The following NPIPB2 variants were observed in gnomAD, a reference collection of about 807,000 sequenced individuals.
NPIPB2 encodes the protein nuclear pore complex interacting protein family member B2, also known as nuclear pore complex-interacting protein family member B2.
A neutral mutation model predicts 30.8 loss-of-function variants in NPIPB2; 27 were observed. That is an observed-to-expected ratio of 0.88 (90% CI 0.65 to 1.21). The LOEUF (loss-of-function observed/expected upper bound fraction) is 1.21. Among genes scored for constraint, NPIPB2 ranks in the 50% most tolerant of loss-of-function variants. NPIPB2 has a pLI of 0.00. For synonymous variants in NPIPB2, 147 were observed against 162.0 expected (o/e 0.91, Z 0.70); for missense variants, 440 against 446.2 (o/e 0.99, Z 0.13).
At chr16:11,954,735 A>G (rs1236390213) in intron 1 of NPIPB2, among the ~76,000 whole-genome samples, 5 of 151,676 alleles carry the variant, frequency 3.3e-5, no homozygotes, top group East Asian at 1.9e-4. Context: ...GTGAAACCCT[A>G]TCTCTACTAA....
chr16:11,968,751 G>C (rs2055215994), intron 1 of NPIPB2: 1 of 152,054 alleles, frequency 6.6e-6, no homozygotes, highest in African/African-American at 2.4e-5. Flanking sequence ...CATCCTAGCT[G>C]ATGCTCATCA....
At chr16:11,933,922 C>T (rs1187591676) in exon 3 of NPIPB2, 1 of 1,537,792 alleles carries the variant, frequency 6.5e-7, no homozygotes, top group Non-Finnish European at 8.9e-7. Flanking sequence ...TCAGGAAAGA[C>T]AACTAGGAAA....
At chr16:11,941,753 G>A (rs1052484897) in intron 1 of NPIPB2, 13 of 893,672 alleles carry the variant, frequency 1.5e-5, no homozygotes, top group African/African-American at 6.9e-5. Context: ...GCCAAGTAGC[G>A]CCCGCATCAT....
At chr16:11,965,037 CT>C (rs1160547710) in intron 1 of NPIPB2, 6 of 418,220 alleles carry the variant, frequency 1.4e-5, no homozygotes, top group African/African-American at 1.2e-4. Context: ...GAAATTTCTT[CT>C]ATAAATAAGC....
intron 1 of NPIPB2, among the ~76,000 whole-genome samples, chr16:11,959,075 C>A (rs1436883413): frequency 6.6e-6 from 1 of 152,130 alleles, no homozygotes; most frequent in African/African-American, 2.4e-5. Context: ...GGGGCTCGGG[C>A]CGTGGCAGAA....
In NPIPB2 at chr16:11,962,618, AAAAAAAAAAAACC is replaced by A. The variant is rs1346816467; in HGVS notation, c.-584+13937_-584+13949del. ...CAGAGCAAGATTCTGTCTCAAAAAA[AAAAAAAAAAAACC>A]AAAAAAAAAGAGGAAGACTGACAGT... is the stretch of plus-strand genomic sequence containing the variant. On this transcript the variant is annotated intron_variant, in intron 1 of 5. Transcript: ENST00000538896. Among the ~76,000 whole-genome samples the A allele has an allele frequency of 1.3e-4, 19 of 151,050 alleles. 1 individual carries two copies. In the South Asian group the frequency reaches 4.0e-3, roughly 32 times the overall value.
chr16:11,942,616 A>C (rs1188138899), upstream of NPIPB2, among the ~76,000 whole-genome samples: 2 of 152,210 alleles, frequency 1.3e-5, no homozygotes, highest in Non-Finnish European at 1.5e-5. Context: ...ATGGCCTCTC[A>C]GGGACGTCCA....
At chr16:11,966,187 T>C (rs368745676) in intron 1 of NPIPB2, 65 of 1,605,886 alleles carry the variant, frequency 4.0e-5, no homozygotes, top group Non-Finnish European at 5.2e-5. Context: ...GATGTTCTTT[T>C]CATAAAGGTG....
chr16:11,962,003 C>T (rs1398291750), intron 1 of NPIPB2, among the ~76,000 whole-genome samples: 2 of 151,602 alleles, frequency 1.3e-5, no homozygotes, highest in Non-Finnish European at 2.9e-5. Flanking sequence ...AGTTCAAGAC[C>T]AGCCTGGGCA....
At chr16:11,938,226 C>T (rs968385311) in intron 1 of NPIPB2, among the ~76,000 whole-genome samples, 1 of 152,204 alleles carries the variant, frequency 6.6e-6, no homozygotes, top group African/African-American at 2.4e-5. Context: ...ACCATGTTGG[C>T]CAGTCTGGCC....
chr16:11,964,559 T>G (rs958257000), intron 1 of NPIPB2, among the ~76,000 whole-genome samples: 1 of 152,022 alleles, frequency 6.6e-6, no homozygotes, highest in African/African-American at 2.4e-5. Flanking sequence ...GGATCATAGG[T>G]GCCTGCCACC....
At chr16:11,967,717 A>T (rs760932832) in intron 1 of NPIPB2, 3 of 1,614,184 alleles carry the variant, frequency 1.9e-6, no homozygotes, top group Non-Finnish European at 2.5e-6. Context: ...GACTCTGACC[A>T]TTGCTTTCCA....
At chr16:11,952,353 T>A (rs1190356504) in intron 1 of NPIPB2, among the ~76,000 whole-genome samples, 2 of 150,566 alleles carry the variant, frequency 1.3e-5, no homozygotes, top group African/African-American at 4.9e-5. Flanking sequence ...GTCTCAAAAA[T>A]AAAAAATAAA....
chr16:11,967,852 C>A (rs1411287749), intron 1 of NPIPB2: 1 of 1,612,234 alleles, frequency 6.2e-7, no homozygotes, highest in Non-Finnish European at 8.5e-7. Flanking sequence ...AGGTAATTAA[C>A]CATTTCGACT....
chr16:11,965,571 A>T (rs2055187023), intron 1 of NPIPB2: 2 of 1,087,856 alleles, frequency 1.8e-6, no homozygotes, highest in Admixed American at 5.0e-5. Flanking sequence ...AATCAAAAAG[A>T]GAAAGGAAGC....
intron 1 of NPIPB2, chr16:11,967,089 C>T (rs11570155): frequency 1.6e-4 from 35 of 222,566 alleles, no homozygotes; most frequent in Non-Finnish European, 2.9e-4. Flanking sequence ...CAGCCTCTGC[C>T]TCTTGGGTTC....
At chr16:11,951,625 T>TACACAC (rs1214348316) in intron 1 of NPIPB2, among the ~76,000 whole-genome samples, 3,820 of 95,778 alleles carry the variant, frequency 0.04, 82 homozygotes, top group African/African-American at 0.059. Context: ...CACATACACA[T>TACACAC]ACACACACAC....
intron 1 of NPIPB2, 68 bp downstream of exon 1, chr16:11,941,915 T>C: frequency 9.9e-7 from 1 of 1,006,352 alleles, no homozygotes; most frequent in African/African-American, 1.6e-5. Context: ...CCAGGGTTCC[T>C]CAAGGTCACT....
upstream of NPIPB2, among the ~76,000 whole-genome samples, chr16:11,946,022 C>CAAAAAAAAAAAAAAAAAAAAAAAAA (rs200825715): frequency 1.4e-5 from 1 of 70,182 alleles, no homozygotes; most frequent in African/African-American, 6.7e-5. Flanking sequence ...GTGGCTTCTA[C>CAAAAAAAAAAAAAAAAAAAAAAAAA]AAAAAAAAAA....
Sources: allele counts gnomAD v4.1 joint callset (sites outside exome capture counted in the v4.1 genomes callset), GRCh38; gene constraint gnomAD v4.1.1; transcripts MANE v1.5; gene names NCBI Gene and HGNC (gene_info 2026-07-23, HGNC 2026-07-21).